The following GALNT1 variants were observed in gnomAD, a reference collection of about 807,000 sequenced individuals.
The protein encoded by GALNT1 is GalNAc transferase 1.
Under a neutral mutation model 65.7 loss-of-function variants are expected in GALNT1, and 17 were observed. The ratio of observed to expected loss-of-function variants is 0.26; its 90% CI spans 0.18 to 0.39. GALNT1 has a LOEUF of 0.39. Among genes scored for constraint, GALNT1 ranks in the 10% least tolerant of loss-of-function variants. GALNT1 has a pLI of 1.00. For synonymous variants in GALNT1, 210 were observed against 219.7 expected, an observed-to-expected ratio of 0.96 and a Z score of 0.39; for missense variants, 460 against 672.8, an observed-to-expected ratio of 0.68 and a Z score of 3.50.
intron 5 of GALNT1, among the ~76,000 whole-genome samples, chr18:35,685,229 CGT>C (rs2047849013): frequency 1.3e-5 from 2 of 152,112 alleles, no homozygotes; most frequent in African/African-American, 2.4e-5. Context: ...CACACACACA[CGT>C]GCACGTATGC....
At chr18:35,690,897 T>G in intron 7 of GALNT1, 115 bp from the exon 8 acceptor site, 1 of 962,616 alleles carries the variant, frequency 1.0e-6, no homozygotes. Flanking sequence ...CCATTTAAGT[T>G]TAAACAAAAG....
At chr18:35,654,488 AAATT>A (rs1222487385) in intron 1 of GALNT1, 68 bp from the exon 2 acceptor site, 2 of 218,772 alleles carry the variant, frequency 9.1e-6, no homozygotes, top group African/African-American at 4.6e-5. Flanking sequence ...TTATAATATT[AAATT>A]AATTTTATAA....
In GALNT1 at chr18:35,654,755, C is replaced by T. The variant is rs781015948; in HGVS notation, c.93C>T (p.Cys31=). ...DMFLLLYFSE[C]NKCDEKKERG... ...TCCTGCTGCTTTACTTCAGTGAATG[C>T]AACAAATGTGATGAAAAAAAGGAGA... Residue 31 remains cysteine, a synonymous_variant, in exon 2 of 12, where the codon TGC becomes TGT. Transcript: ENST00000269195. 1 of 1,573,578 alleles carries T rather than the reference C, an allele frequency of 6.4e-7. No homozygotes were observed. Among genetic ancestry groups the T allele is most frequent in the East Asian group, 2.3e-5 (1 of 42,758 alleles).
In GALNT1 at chr18:35,598,150, CTTAG is replaced by C. The variant is rs548092406; in HGVS notation, c.-104+16289_-104+16292del. ...CTCCGGATTCAAGCGATTCTCCTGC[CTTAG>C]CCTCCCAAGTAGCTGGGATTACAGT... On this transcript the variant is annotated intron_variant, in intron 1 of 11. Transcript: ENST00000269195. 1.9e-4 allele frequency among the ~76,000 whole-genome samples: 29 copies of C among 151,562 alleles called. No homozygotes were observed. In the East Asian group the frequency reaches 5.1e-3, roughly 26 times the overall value.
At chr18:35,596,872 A>G (rs2046512070) in intron 1 of GALNT1, 1 of 152,248 alleles carries the variant, frequency 6.6e-6, no homozygotes, top group Admixed American at 6.5e-5. Context: ...GAGCCCCAGC[A>G]CAGTATGTTC....
chr18:35,703,042 T>C (rs750583354), intron 10 of GALNT1, 47 bp downstream of exon 10: 1 of 1,169,814 alleles, frequency 8.5e-7, no homozygotes, highest in Admixed American at 2.5e-5. Context: ...TCAGATTGTT[T>C]TTACTTTGCC....
intron 3 of GALNT1, among the ~76,000 whole-genome samples, chr18:35,675,234 T>C (rs568998107): frequency 5.8e-4 from 89 of 152,256 alleles, no homozygotes; most frequent in African/African-American, 2.0e-3. Context: ...TCAAGTGCCT[T>C]GTGGCTCTTC....
At chr18:35,641,851 G>C (rs1483204029) in intron 1 of GALNT1, among the ~76,000 whole-genome samples, 1 of 151,960 alleles carries the variant, frequency 6.6e-6, no homozygotes, top group Non-Finnish European at 1.5e-5. Flanking sequence ...TTAGATCAGG[G>C]GTCGGTGTGA....
At chr18:35,685,493 A>G (rs2047854332) in intron 5 of GALNT1, among the ~76,000 whole-genome samples, 1 of 152,104 alleles carries the variant, frequency 6.6e-6, no homozygotes, top group South Asian at 2.1e-4. Flanking sequence ...TTAAAAAAAA[A>G]AAAAAAGCCT....
At chr18:35,645,007 TA>T (rs1235793238) in intron 1 of GALNT1, among the ~76,000 whole-genome samples, 3 of 151,726 alleles carry the variant, frequency 2.0e-5, no homozygotes, top group African/African-American at 7.3e-5. Flanking sequence ...AATAAATAAG[TA>T]AATGAATAAA....
At position 35,703,493 on chromosome 18, in the gene GALNT1, G is replaced by A. The variant is rs895897864; in HGVS notation, c.1399-16G>A. On this transcript the variant is annotated splice_polypyrimidine_tract_variant and intron_variant, in intron 10 of 11. Coordinates refer to ENST00000269195, the MANE Select transcript of GALNT1 (RefSeq NM_020474.4). ...ATTTATTTTTTCTGTTTATGTGTGT[G>A]CATTTTTATTTCCAGGTTTTCTCTT... 2 of 1,609,614 alleles carry A rather than the reference G, an allele frequency of 1.2e-6. No individual in the cohort carries two copies. The highest frequency in any genetic ancestry group is 1.3e-5 in the African/African-American group (1 of 74,798).
At chr18:35,623,286 T>C (rs983211052) in intron 1 of GALNT1, among the ~76,000 whole-genome samples, 8 of 152,018 alleles carry the variant, frequency 5.3e-5, no homozygotes, top group Non-Finnish European at 8.8e-5. Flanking sequence ...TAATGAGAAG[T>C]CATCCTTTTT....
chr18:35,639,285 G>C (rs2047131542), intron 1 of GALNT1, among the ~76,000 whole-genome samples: 1 of 152,168 alleles, frequency 6.6e-6, no homozygotes, highest in Admixed American at 6.5e-5. Context: ...TGAACGATCA[G>C]CAGCCATCAA....
At chr18:35,674,765 C>T (rs1241557912) in intron 3 of GALNT1, among the ~76,000 whole-genome samples, 2 of 152,066 alleles carry the variant, frequency 1.3e-5, no homozygotes, top group African/African-American at 2.4e-5. Flanking sequence ...GGGCAGATCA[C>T]GAGGTCAGAA....
chr18:35,702,167 C>T (rs186827767), intron 9 of GALNT1, among the ~76,000 whole-genome samples: 1 of 152,170 alleles, frequency 6.6e-6, no homozygotes, highest in East Asian at 1.9e-4. Context: ...TAACTTTACC[C>T]CTACTTTATC....
intron 9 of GALNT1, among the ~76,000 whole-genome samples, chr18:35,699,832 A>G (rs1431667198): frequency 2.0e-5 from 3 of 152,252 alleles, no homozygotes; most frequent in African/African-American, 7.2e-5. Context: ...TCATCCCAGT[A>G]TAAACTTGAA....
chr18:35,582,953 TC>T (rs2046340237), intron 1 of GALNT1, among the ~76,000 whole-genome samples: 2 of 152,254 alleles, frequency 1.3e-5, no homozygotes, highest in African/African-American at 4.8e-5. Context: ...TAGCCACATT[TC>T]AAGTGTTCCA....
intron 3 of GALNT1, among the ~76,000 whole-genome samples, chr18:35,670,340 CT>C (rs1463513220): frequency 1.3e-5 from 2 of 151,832 alleles, no homozygotes; most frequent in African/African-American, 4.8e-5. Context: ...GTTTTAAGGT[CT>C]ATATTAAAAA....
chr18:35,658,804 G>A (rs1399184917), intron 2 of GALNT1, among the ~76,000 whole-genome samples: 2 of 151,924 alleles, frequency 1.3e-5, no homozygotes, highest in East Asian at 3.9e-4. Flanking sequence ...CCGTCTCCTG[G>A]GTTCAAGCGA....
Sources: allele counts gnomAD v4.1 joint callset (sites outside exome capture counted in the v4.1 genomes callset), GRCh38; gene constraint gnomAD v4.1.1; transcripts MANE v1.5; gene names NCBI Gene and HGNC (gene_info 2026-07-23, HGNC 2026-07-21).